Variants in SMC6 observed in about 807,000 individuals in gnomAD.
SMC6 encodes structural maintenance of chromosomes protein 6.
In SMC6, 79 loss-of-function variants were observed where a neutral mutation model predicts 142.2. The observed-to-expected ratio is 0.56, with a 90% confidence interval of 0.46 to 0.67. The LOEUF (loss-of-function observed/expected upper bound fraction) is 0.67, where lower values mean the gene tolerates loss of function less well. SMC6 is among the 30% of genes least tolerant of loss of function. The probability of loss-of-function intolerance (pLI) is 0.00; values close to 1 mark genes in which losing one functional copy is unlikely to be tolerated. For missense variants in SMC6, 1,072 were observed against 1,284.0 expected, an observed-to-expected ratio of 0.83 and a Z score of 2.52; for synonymous variants, 411 against 412.4, an observed-to-expected ratio of 1.00 and a Z score of 0.04.
At chr2:17,690,976 A>G (rs898447072) in intron 23 of SMC6, among the ~76,000 whole-genome samples, 1 of 151,930 alleles carries the variant, frequency 6.6e-6, no homozygotes, top group African/African-American at 2.4e-5. Context: ...AACGCTGAGT[A>G]CATATAAAAT....
intron 14 of SMC6, 44 bp from the exon 15 acceptor site, chr2:17,716,308 T>G (rs767298354): frequency 5.1e-6 from 8 of 1,566,080 alleles, no homozygotes; most frequent in Non-Finnish European, 6.9e-6. Context: ...TGTGATAGTT[T>G]TACAGAAACA....
rs1388431577 is a variant in SMC6, at chr2:17,726,470, C to T, written c.544-1G>A. ...TTAAAACAGAAACTGGATTATCCAC[C>T]TCAAACAAACAAAAAGTCATTTTTG... On this transcript the variant is annotated splice_acceptor_variant, in intron 7 of 27. Coordinates refer to ENST00000448223, the MANE Select transcript of SMC6 (RefSeq NM_001142286.2). LOFTEE classifies it high-confidence loss of function. 8 of 1,605,352 alleles carry T rather than the reference C, an allele frequency of 5.0e-6. No individual in the cohort carries two copies. The highest frequency in any genetic ancestry group is 6.8e-6 in the Non-Finnish European group (8 of 1,177,650).
intron 18 of SMC6, among the ~76,000 whole-genome samples, chr2:17,704,447 CA>C (rs1284636901): frequency 6.6e-6 from 1 of 152,160 alleles, no homozygotes; most frequent in Admixed American, 6.5e-5. Context: ...AGTCTCCATA[CA>C]GCAGAGTCAA....
chr2:17,706,982 A>G (rs147450849), intron 18 of SMC6, among the ~76,000 whole-genome samples: 28 of 152,302 alleles, frequency 1.8e-4, no homozygotes, highest in African/African-American at 6.7e-4. Flanking sequence ...TGTACAAATG[A>G]TCCAGTTGAG....
chr2:17,704,141 G>A (rs950211655), intron 18 of SMC6, among the ~76,000 whole-genome samples: 1 of 151,546 alleles, frequency 6.6e-6, no homozygotes, highest in African/African-American at 2.4e-5. Context: ...ATTAAAATGT[G>A]AACAGGACAC....
At chr2:17,749,153 C>A (rs1330639082) in intron 2 of SMC6, among the ~76,000 whole-genome samples, 1 of 151,788 alleles carries the variant, frequency 6.6e-6, no homozygotes, top group Non-Finnish European at 1.5e-5. Context: ...AAAATTGTTT[C>A]CAAAAGGCTA....
At chr2:17,739,879 A>AACACACACACAC (rs60784309) in intron 4 of SMC6, among the ~76,000 whole-genome samples, 1,927 of 115,482 alleles carry the variant, frequency 0.017, 58 homozygotes, top group East Asian at 0.094. Flanking sequence ...GAATATGGTA[A>AACACACACACAC]ACACACACAC....
intron 4 of SMC6, among the ~76,000 whole-genome samples, 157 bp from the exon 5 acceptor site, chr2:17,738,483 TA>T (rs546371550): frequency 1.4e-4 from 21 of 151,146 alleles, no homozygotes; most frequent in South Asian, 6.3e-4. Context: ...AGCAACAACT[TA>T]AAAAAAAAGT....
rs868095354 is a variant in SMC6 at position 17,707,366 on chromosome 2, G to A, written c.1859C>T (p.Ala620Val). 2 of 1,535,224 alleles carry A rather than the reference G, an allele frequency of 1.3e-6. No homozygotes were observed. The highest frequency in any genetic ancestry group is 2.8e-5 in the African/African-American group (2 of 71,020). ...TVLLIKNNSVARAVMQSQKPP... is the reference protein window; with the variant it reads ...TVLLIKNNSVVRAVMQSQKPP... ...CTTTTGGGACTGCATTACTGCACGA[G>A]CTACAGAATTATTCTAAAAGAATAG... Residue 620 changes from alanine (A) to valine (V), a missense_variant, in exon 18 of 28, where the codon GCT becomes GTT. Physicochemically the swap from Ala to Val is moderately conservative, Grantham distance 64. Around this residue, in one of 3 missense-constraint regions of SMC6, gnomAD observed 994 missense variants for 1,153.2 expected, o/e 0.86. Coordinates refer to ENST00000448223, the MANE Select transcript of SMC6 (RefSeq NM_001142286.2).
chr2:17,744,784 T>C (rs979990861), intron 3 of SMC6, among the ~76,000 whole-genome samples: 23 of 152,204 alleles, frequency 1.5e-4, no homozygotes, highest in African/African-American at 5.5e-4. Context: ...GTTTTAGTCA[T>C]GAACAGGTGT....
chr2:17,688,617 G>A (rs947115602), intron 23 of SMC6, among the ~76,000 whole-genome samples: 3 of 152,118 alleles, frequency 2.0e-5, no homozygotes, highest in African/African-American at 7.2e-5. Context: ...ATAGTCCATT[G>A]AGTAAAACAG....
intron 5 of SMC6, among the ~76,000 whole-genome samples, chr2:17,732,492 A>T (rs1460569094): frequency 6.6e-6 from 1 of 152,142 alleles, no homozygotes; most frequent in South Asian, 2.1e-4. Context: ...TGAGGTCAGG[A>T]GTTCGACACC....
chr2:17,704,341 C>G (rs927710662), intron 18 of SMC6, among the ~76,000 whole-genome samples: 15 of 152,080 alleles, frequency 9.9e-5, no homozygotes, highest in Non-Finnish European at 5.9e-5. Flanking sequence ...GGTGAATAAA[C>G]GCAACAAATG....
intron 2 of SMC6, among the ~76,000 whole-genome samples, chr2:17,749,524 C>G (rs1670917422): frequency 6.6e-6 from 1 of 152,080 alleles, no homozygotes; most frequent in African/African-American, 2.4e-5. Flanking sequence ...CCCGTCTCTA[C>G]TAAAAATACA....
At chr2:17,694,558 A>G (rs1206877671) in intron 23 of SMC6, among the ~76,000 whole-genome samples, 1 of 152,184 alleles carries the variant, frequency 6.6e-6, no homozygotes, top group Non-Finnish European at 1.5e-5. Flanking sequence ...AATATACTAT[A>G]TTTCCCACAT....
chr2:17,714,456 C>T (rs1668983880), intron 16 of SMC6, among the ~76,000 whole-genome samples: 1 of 152,136 alleles, frequency 6.6e-6, no homozygotes, highest in South Asian at 2.1e-4. Context: ...TACTGAGCTC[C>T]CTTGAAAAGA....
intron 25 of SMC6, among the ~76,000 whole-genome samples, chr2:17,676,886 A>G (rs949769154): frequency 6.6e-6 from 1 of 152,172 alleles, no homozygotes; most frequent in Middle Eastern, 3.2e-3. Context: ...ATTTTTGCAT[A>G]CTGATTGTGT....
At chr2:17,693,827 C>T (rs1667850896) in intron 23 of SMC6, among the ~76,000 whole-genome samples, 1 of 151,806 alleles carries the variant, frequency 6.6e-6, no homozygotes, top group Non-Finnish European at 1.5e-5. Flanking sequence ...GAAACCCGGT[C>T]TCCACTAAAA....
In SMC6 at chr2:17,727,505, T is replaced by TTATA. The variant is rs35081864; in HGVS notation, c.544-1040_544-1037dup. 8.1e-4 allele frequency among the ~76,000 whole-genome samples: 120 copies of TTATA among 148,816 alleles called. 1 individual carries two copies. The highest frequency in any genetic ancestry group is 2.8e-3 in the African/African-American group (112 of 40,644). ...GTGAGTTAATATTTAAAACTCCTCT[T>TTATA]TATATATATATATATATATATACAC... On this transcript the variant is annotated intron_variant, in intron 7 of 27. Coordinates refer to ENST00000448223, the MANE Select transcript of SMC6 (RefSeq NM_001142286.2).
Sources: gnomAD v4.1 joint callset for allele counts (sites outside exome capture counted in the v4.1 genomes callset) on GRCh38, gnomAD v4.1.1 for gene constraint, gnomAD v4.1.1 regional missense constraint, MANE v1.5 for transcripts, NCBI Gene and HGNC (gene_info 2026-07-23, HGNC 2026-07-21) for gene names.